Variants in CDH13 observed in about 807,000 individuals in gnomAD.
The protein encoded by CDH13 is cadherin 13.
In CDH13, 24 loss-of-function variants were observed where a neutral mutation model predicts 63.8. That is an observed-to-expected ratio of 0.38 (90% confidence interval 0.27 to 0.53). CDH13 has a LOEUF of 0.53. Among genes scored for constraint, CDH13 ranks in the 20% least tolerant of loss-of-function variants. The probability of loss-of-function intolerance (pLI) is 0.85; values close to 1 mark genes in which losing one functional copy is unlikely to be tolerated. For missense variants in CDH13, 1,049 were observed against 903.1 expected (o/e 1.16, Z -2.07); for synonymous variants, 503 against 355.3 (o/e 1.42, Z -4.67).
chr16:83,452,785 G>C (rs2072919314), intron 6 of CDH13, among the ~76,000 whole-genome samples: 1 of 152,208 alleles, frequency 6.6e-6, no homozygotes, highest in Non-Finnish European at 1.5e-5. Context: ...GTGATGTCTA[G>C]AGAAGTATTC....
chr16:83,741,988 C>T (rs1781058921), intron 10 of CDH13, among the ~76,000 whole-genome samples: 1 of 152,228 alleles, frequency 6.6e-6, no homozygotes, highest in Admixed American at 6.5e-5. Context: ...AATTGTCTTC[C>T]ACGAAACCAG....
At chr16:83,097,234 T>C (rs1304734060) in intron 3 of CDH13, among the ~76,000 whole-genome samples, 1 of 152,176 alleles carries the variant, frequency 6.6e-6, no homozygotes, top group East Asian at 1.9e-4. Context: ...TAAGAACTTA[T>C]GAAGCTCATA....
intron 10 of CDH13, among the ~76,000 whole-genome samples, chr16:83,705,018 T>A (rs1423845): frequency 0.2 from 30,338 of 152,204 alleles, 3,561 homozygotes; most frequent in African/African-American, 0.34. Flanking sequence ...CTCACTTAGA[T>A]GAGTTTTCTG....
intron 13 of CDH13, among the ~76,000 whole-genome samples, chr16:83,788,411 A>T (rs1916027671): frequency 6.6e-6 from 1 of 152,124 alleles, no homozygotes; most frequent in Non-Finnish European, 1.5e-5. Context: ...TTTTTATAAT[A>T]ATACACATTC....
At chr16:83,078,571 C>A (rs2033015989) in intron 3 of CDH13, among the ~76,000 whole-genome samples, 1 of 152,226 alleles carries the variant, frequency 6.6e-6, no homozygotes, top group Non-Finnish European at 1.5e-5. Context: ...GCTGTCCGGC[C>A]AGGTTCCTAA....
rs373931847 is a variant in CDH13, at chr16:82,861,184, A to G, written c.157+2711A>G. On this transcript the variant is annotated intron_variant, in intron 2 of 13. Coordinates refer to ENST00000567109, the MANE Select transcript of CDH13 (RefSeq NM_001257.5). ...ATGGTTAGGGATGTTTTAGTCTCAT[A>G]TAAATATAGGTCAGTGTTGTACACA... Among the ~76,000 whole-genome samples, 23 of 152,348 alleles carry G rather than the reference A, an allele frequency of 1.5e-4. No individual in the cohort carries two copies. In the East Asian group the frequency reaches 4.1e-3, roughly 27 times the overall value.
chr16:82,765,444 C>T (rs2035019654), intron 1 of CDH13, among the ~76,000 whole-genome samples: 1 of 152,160 alleles, frequency 6.6e-6, no homozygotes, highest in Non-Finnish European at 1.5e-5. Flanking sequence ...TCTATTTTAA[C>T]TGTCAAAATC....
intron 8 of CDH13, among the ~76,000 whole-genome samples, chr16:83,621,046 C>T (rs1909766558): frequency 2.0e-5 from 3 of 152,260 alleles, no homozygotes; most frequent in South Asian, 4.1e-4. Flanking sequence ...GAGCCCTCCT[C>T]CTGCCAGCAC....
At chr16:83,292,019 C>T (rs2089477988) in intron 5 of CDH13, among the ~76,000 whole-genome samples, 1 of 152,202 alleles carries the variant, frequency 6.6e-6, no homozygotes, top group South Asian at 2.1e-4. Flanking sequence ...TTGTAATGTC[C>T]TTGAGGTATC....
chr16:82,633,403 G>A (rs150009918), intron 1 of CDH13, among the ~76,000 whole-genome samples: 12 of 152,246 alleles, frequency 7.9e-5, no homozygotes, highest in East Asian at 3.9e-4. Flanking sequence ...TCTTTGAGAC[G>A]GAGTCTTGCT....
intron 7 of CDH13, among the ~76,000 whole-genome samples, chr16:83,528,190 A>G (rs1235050856): frequency 6.6e-6 from 1 of 152,236 alleles, no homozygotes; most frequent in Non-Finnish European, 1.5e-5. Context: ...ACTTGCACGC[A>G]TGCCTTCTTC....
intron 1 of CDH13, among the ~76,000 whole-genome samples, chr16:82,850,372 A>G (rs1477150511): frequency 6.6e-6 from 1 of 152,258 alleles, no homozygotes; most frequent in African/African-American, 2.4e-5. Flanking sequence ...AATTAGAAGC[A>G]GAGCTTGAAT....
intron 6 of CDH13, among the ~76,000 whole-genome samples, chr16:83,464,640 A>G (rs966989330): frequency 2.0e-5 from 3 of 152,140 alleles, no homozygotes; most frequent in African/African-American, 7.2e-5. Context: ...GATTACAGAC[A>G]TGAGCCACCA....
intron 5 of CDH13, among the ~76,000 whole-genome samples, chr16:83,329,456 C>T (rs993122119): frequency 1.3e-5 from 2 of 151,234 alleles, no homozygotes; most frequent in Non-Finnish European, 2.9e-5. Context: ...AGGCTGGTCT[C>T]GAACTCCTGA....
chr16:83,175,286 G>A (rs550468398), intron 4 of CDH13, among the ~76,000 whole-genome samples: 5 of 152,060 alleles, frequency 3.3e-5, no homozygotes, highest in South Asian at 2.1e-4. Flanking sequence ...GAAACAGGGA[G>A]TCCATTTTAG....
rs113688839 is a variant in CDH13 at position 83,105,183 on chromosome 16, A to T, written c.367-20202A>T. On this transcript the variant is annotated intron_variant, in intron 3 of 13. Transcript: ENST00000567109. ...GATTTCACCCTTTTTGGAAAACTCA[A>T]TCTGGGGCCTGCTTTCCCCAGGATC... 2.0e-5 allele frequency among the ~76,000 whole-genome samples: 3 copies of T among 152,264 alleles called. No individual in the cohort carries two copies. In the South Asian group the frequency reaches 6.2e-4, roughly 32 times the overall value.
intron 7 of CDH13, among the ~76,000 whole-genome samples, chr16:83,598,828 C>G (rs1363712587): frequency 6.6e-6 from 1 of 152,186 alleles, no homozygotes; most frequent in Non-Finnish European, 1.5e-5. Context: ...GTGGCCACTA[C>G]TAGCTCCAGA....
chr16:82,697,177 G>C (rs1235125545), intron 1 of CDH13, among the ~76,000 whole-genome samples: 1 of 152,156 alleles, frequency 6.6e-6, no homozygotes, highest in Non-Finnish European at 1.5e-5. Context: ...GTCCTGAAGG[G>C]AGAAAGATCA....
chr16:83,189,866 C>G (rs973486213), intron 4 of CDH13, among the ~76,000 whole-genome samples: 11 of 152,136 alleles, frequency 7.2e-5, no homozygotes, highest in African/African-American at 2.4e-4. Flanking sequence ...ATGGGGGCGG[C>G]TTTTCTCATA....
Sources: gnomAD v4.1 joint callset for allele counts (sites outside exome capture counted in the v4.1 genomes callset) on GRCh38, gnomAD v4.1.1 for gene constraint, MANE v1.5 for transcripts, NCBI Gene and HGNC (gene_info 2026-07-23, HGNC 2026-07-21) for gene names.